HDAC8: variants seen among roughly 807,000 people sequenced by gnomAD.
HDAC8 encodes the protein histone deacetylase 8, also known as histone deacetylase-like 1.
Under a neutral mutation model 32.2 loss-of-function variants are expected in HDAC8, and 1 was observed. That is an observed-to-expected ratio of 0.03 (90% confidence interval 0.01 to 0.15). The LOEUF is 0.15. Ranked by LOEUF, HDAC8 falls within the 10% of genes least tolerant of loss-of-function variation. The pLI, the probability that HDAC8 is intolerant of heterozygous loss-of-function variation, is 1.00. For missense variants in HDAC8, 117 were observed against 300.0 expected, an observed-to-expected ratio of 0.39 and a Z score of 4.51; for synonymous variants, 108 against 113.9, an observed-to-expected ratio of 0.95 and a Z score of 0.33.
chrX:72,470,600 C>T (rs1186761030), intron 7 of HDAC8, among the ~76,000 whole-genome samples: 2 of 111,382 alleles, frequency 1.8e-5, no homozygotes, highest in African/African-American at 6.5e-5. Flanking sequence ...TCAGCATTGT[C>T]CAACTTATCC....
chrX:72,397,092 G>A (rs1467889362), intron 9 of HDAC8, among the ~76,000 whole-genome samples: 4 of 110,372 alleles, frequency 3.6e-5, no homozygotes, highest in African/African-American at 1.3e-4. Flanking sequence ...AGGAGCAAGA[G>A]TGATGGGGGG....
At chrX:72,337,278 A>C (rs1240217054) in intron 10 of HDAC8, among the ~76,000 whole-genome samples, 1 of 112,356 alleles carries the variant, frequency 8.9e-6, no homozygotes, top group Non-Finnish European at 1.9e-5. Context: ...TATGGTAGCC[A>C]CTAGTCACAT....
chrX:72,341,978 A>G (rs2043898672), intron 10 of HDAC8, among the ~76,000 whole-genome samples: 1 of 111,795 alleles, frequency 8.9e-6, no homozygotes, highest in African/African-American at 3.3e-5. Flanking sequence ...TCATGCACTC[A>G]ATTATGCTCT....
At chrX:72,453,522 A>AAGAAAGAAAGAG (rs782484053) in intron 9 of HDAC8, among the ~76,000 whole-genome samples, 7 of 74,109 alleles carry the variant, frequency 9.4e-5, no homozygotes, top group African/African-American at 2.2e-4. Flanking sequence ...GAAAGAAAGA[A>AAGAAAGAAAGAG]AAAGAAAGAA....
chrX:72,437,289 G>A (rs1200436526), intron 9 of HDAC8, among the ~76,000 whole-genome samples: 7 of 111,872 alleles, frequency 6.3e-5, no homozygotes, highest in Non-Finnish European at 1.3e-4. Context: ...TGTGCCGTGA[G>A]GAATGGTGCA....
At chrX:72,500,857 A>G (rs1157737040) in intron 4 of HDAC8, among the ~76,000 whole-genome samples, 1 of 112,039 alleles carries the variant, frequency 8.9e-6, no homozygotes, top group Non-Finnish European at 1.9e-5. Flanking sequence ...ACATGGTTCT[A>G]TATCTAGAAA....
intron 9 of HDAC8, among the ~76,000 whole-genome samples, chrX:72,447,835 T>G (rs1332947714): frequency 2.7e-5 from 3 of 111,661 alleles, no homozygotes; most frequent in African/African-American, 9.8e-5. Context: ...CCATTCACAA[T>G]TGCTACAAAG....
chrX:72,440,929 T>G (rs1024978201), intron 9 of HDAC8, among the ~76,000 whole-genome samples: 2 of 112,414 alleles, frequency 1.8e-5, no homozygotes, highest in Non-Finnish European at 3.8e-5. Flanking sequence ...GTCTTGCTGA[T>G]CGCTAGCACA....
intron 4 of HDAC8, among the ~76,000 whole-genome samples, chrX:72,564,855 G>A (rs1337817062): frequency 2.7e-5 from 3 of 111,909 alleles, no homozygotes; most frequent in Non-Finnish European, 1.9e-5. Context: ...CTCTTCTTTT[G>A]TAGAATATTC....
rs887873907 is a variant in HDAC8 at position 72,393,175 on chromosome X, G to A, written c.1006-41337C>T. ...AATTTGAGCAGTAAAATACTGGAGAGCCCAGAGGTAAGCAAAGTTTCTCAG... is the reference window on the plus strand; with the variant it reads ...AATTTGAGCAGTAAAATACTGGAGAACCCAGAGGTAAGCAAAGTTTCTCAG... On this transcript the variant is annotated intron_variant, in intron 9 of 10. Coordinates refer to ENST00000373573, the MANE Select transcript of HDAC8 (RefSeq NM_018486.3). 8.0e-5 allele frequency among the ~76,000 whole-genome samples: 9 copies of A among 111,923 alleles called. No homozygotes were observed. In the East Asian group the frequency reaches 2.0e-3, roughly 24 times the overall value.
chrX:72,412,105 C>G (rs2046212349), intron 9 of HDAC8, among the ~76,000 whole-genome samples: 1 of 111,909 alleles, frequency 8.9e-6, no homozygotes, highest in Non-Finnish European at 1.9e-5. Flanking sequence ...TATTTTGGCT[C>G]TGAAGTCAAC....
At chrX:72,451,750 T>C (rs2047576256) in intron 9 of HDAC8, among the ~76,000 whole-genome samples, 1 of 113,096 alleles carries the variant, frequency 8.8e-6, no homozygotes, top group Non-Finnish European at 1.9e-5. Flanking sequence ...ACTTTCTCTC[T>C]AGAGACAACT....
intron 9 of HDAC8, among the ~76,000 whole-genome samples, chrX:72,420,311 G>A (rs1297857625): frequency 2.7e-5 from 3 of 111,551 alleles, no homozygotes; most frequent in Non-Finnish European, 5.7e-5. Context: ...TTTCTCCTGA[G>A]TCAGTTTGGG....
At chrX:72,394,941 G>T (rs2045720128) in intron 9 of HDAC8, among the ~76,000 whole-genome samples, 1 of 111,631 alleles carries the variant, frequency 9.0e-6, no homozygotes, top group African/African-American at 3.3e-5. Flanking sequence ...GTGCTGGACT[G>T]CAGCCACCCT....
At chrX:72,474,715 G>T in intron 7 of HDAC8, 1 of 1,192,520 alleles carries the variant, frequency 8.4e-7, no homozygotes, top group Non-Finnish European at 1.1e-6. Flanking sequence ...TGGATTTGGG[G>T]CAGGAGGTTC....
chrX:72,515,587 T>TGGGGGG (rs61675419), intron 4 of HDAC8, among the ~76,000 whole-genome samples: 10 of 33,722 alleles, frequency 3.0e-4, no homozygotes, highest in East Asian at 8.9e-4. Flanking sequence ...TCAGTGTGTG[T>TGGGGGG]GGGGGGGGGG....
chrX:72,462,255 CT>C, intron 8 of HDAC8, 157 bp from the exon 9 acceptor site: 1 of 446,679 alleles, frequency 2.2e-6, no homozygotes, highest in Non-Finnish European at 3.9e-6. Context: ...TTTAAACCAC[CT>C]AGTAGGCAGA....
chrX:72,341,563 T>C (rs1348606521), intron 10 of HDAC8, among the ~76,000 whole-genome samples: 1 of 111,829 alleles, frequency 8.9e-6, no homozygotes, highest in Non-Finnish European at 1.9e-5. Context: ...AAGTTGAATC[T>C]GTAAGTCTAT....
intron 5 of HDAC8, among the ~76,000 whole-genome samples, chrX:72,491,575 A>C (rs2048872008): frequency 8.9e-6 from 1 of 112,446 alleles, no homozygotes; most frequent in Admixed American, 9.4e-5. Context: ...CTTATAGTAC[A>C]TCTTTCTGGC....
Sources: allele counts gnomAD v4.1 joint callset (sites outside exome capture counted in the v4.1 genomes callset), GRCh38; gene constraint gnomAD v4.1.1; transcripts MANE v1.5; gene names NCBI Gene and HGNC (gene_info 2026-07-23, HGNC 2026-07-21).